Variants in RGS7 observed in about 807,000 individuals in gnomAD.
RGS7 encodes the protein regulator of G-protein signaling 7.
A neutral mutation model predicts 81.1 loss-of-function variants in RGS7; 27 were observed. The observed-to-expected ratio is 0.33, with a 90% CI of 0.25 to 0.46. The LOEUF (loss-of-function observed/expected upper bound fraction) is 0.46. RGS7 is among the 20% of genes least tolerant of loss of function. The pLI is 1.00. For missense variants in RGS7, 396 were observed against 607.4 expected (o/e 0.65, Z 3.66); for synonymous variants, 208 against 207.7 (o/e 1.00, Z -0.01).
At chr1:241,229,501 T>C (rs948342862) in intron 2 of RGS7, among the ~76,000 whole-genome samples, 1 of 152,236 alleles carries the variant, frequency 6.6e-6, no homozygotes, top group African/African-American at 2.4e-5. Flanking sequence ...TCCGGTGCCA[T>C]CTGTCTGTGG....
rs536196152 is a variant in RGS7 at position 241,239,626 on chromosome 1, T to A, written c.78+116073A>T. ...TTGTGTGCCTTCATCTTTTTTACTC[T>A]CCACTCCTTACCAGGGATGAACTGC... On this transcript the variant is annotated intron_variant, in intron 2 of 18. Transcript: ENST00000440928. Among the ~76,000 whole-genome samples the A allele has an allele frequency of 5.3e-5, 8 of 152,236 alleles. No homozygotes were observed. The South Asian group carries it at 1.7e-3, about 32-fold the overall frequency.
chr1:241,011,081 G>C (rs1402531265), intron 3 of RGS7, among the ~76,000 whole-genome samples: 1 of 152,170 alleles, frequency 6.6e-6, no homozygotes. Flanking sequence ...GTCTCAAGCA[G>C]AGAAAAGTCT....
chr1:241,011,369 T>G (rs2058948233), intron 3 of RGS7, among the ~76,000 whole-genome samples: 1 of 152,126 alleles, frequency 6.6e-6, no homozygotes, highest in South Asian at 2.1e-4. Flanking sequence ...AGCAGCCTCA[T>G]GAAAGAGGCC....
At chr1:240,842,199 A>AT (rs568381066) in intron 9 of RGS7, among the ~76,000 whole-genome samples, 22,701 of 78,854 alleles carry the variant, frequency 0.29, 6,760 homozygotes, top group African/African-American at 0.52. Context: ...TTTGTCAGGA[A>AT]TTTTTTTTTT....
At chr1:241,257,808 A>G (rs185112024) in intron 2 of RGS7, among the ~76,000 whole-genome samples, 25 of 152,324 alleles carry the variant, frequency 1.6e-4, no homozygotes, top group Admixed American at 1.6e-3. Context: ...GCTTCACTGT[A>G]TTTCATGCAG....
At chr1:240,985,668 A>T (rs1239010724) in intron 3 of RGS7, among the ~76,000 whole-genome samples, 1 of 152,032 alleles carries the variant, frequency 6.6e-6, no homozygotes, top group South Asian at 2.1e-4. Context: ...CAGCATATTT[A>T]TGGTTTTAGG....
intron 2 of RGS7, among the ~76,000 whole-genome samples, chr1:241,334,161 C>T (rs2082117592): frequency 6.6e-6 from 1 of 152,062 alleles, no homozygotes; most frequent in African/African-American, 2.4e-5. Flanking sequence ...CTAGGATAAA[C>T]AGATAATGGA....
At chr1:240,936,252 G>A (rs1676616976) in intron 5 of RGS7, among the ~76,000 whole-genome samples, 1 of 152,168 alleles carries the variant, frequency 6.6e-6, no homozygotes, top group African/African-American at 2.4e-5. Context: ...ATTTACTTGG[G>A]CTGAAGATGG....
At chr1:241,257,282 C>T (rs536457352) in intron 2 of RGS7, among the ~76,000 whole-genome samples, 1 of 152,104 alleles carries the variant, frequency 6.6e-6, no homozygotes, top group East Asian at 1.9e-4. Context: ...ACAGAGTCCC[C>T]CAAACCCTTT....
chr1:240,828,612 C>T (rs1693273175), intron 9 of RGS7, among the ~76,000 whole-genome samples: 1 of 152,156 alleles, frequency 6.6e-6, no homozygotes, highest in African/African-American at 2.4e-5. Flanking sequence ...CATGGTGAAA[C>T]CCCATCTCTA....
At chr1:241,153,372 A>C (rs759190981) in intron 2 of RGS7, among the ~76,000 whole-genome samples, 3 of 152,238 alleles carry the variant, frequency 2.0e-5, no homozygotes, top group Non-Finnish European at 4.4e-5. Flanking sequence ...AGCATTTAAC[A>C]TGAGAATCAT....
intron 9 of RGS7, among the ~76,000 whole-genome samples, chr1:240,836,063 A>C (rs1694680443): frequency 6.6e-6 from 1 of 151,704 alleles, no homozygotes; most frequent in African/African-American, 2.4e-5. Context: ...AGTGAACTCT[A>C]ATGTAAACTA....
intron 2 of RGS7, among the ~76,000 whole-genome samples, chr1:241,149,682 A>T (rs1045722303): frequency 1.3e-5 from 2 of 152,178 alleles, no homozygotes; most frequent in African/African-American, 4.8e-5. Flanking sequence ...TCAAGCAATA[A>T]ATGTTTTTGG....
At chr1:241,337,407 T>C (rs1015727608) in intron 2 of RGS7, among the ~76,000 whole-genome samples, 1 of 151,948 alleles carries the variant, frequency 6.6e-6, no homozygotes, top group Admixed American at 6.6e-5. Context: ...CCCCACACAA[T>C]TGGGAAATCA....
intron 6 of RGS7, among the ~76,000 whole-genome samples, chr1:240,914,387 T>C (rs1672257151): frequency 2.0e-5 from 3 of 152,148 alleles, no homozygotes; most frequent in Non-Finnish European, 4.4e-5. Flanking sequence ...CCTTTTCTGT[T>C]TCACAGCAGC....
intron 3 of RGS7, among the ~76,000 whole-genome samples, chr1:241,004,292 A>T (rs1271377004): frequency 1.3e-5 from 2 of 152,096 alleles, no homozygotes; most frequent in Non-Finnish European, 2.9e-5. Flanking sequence ...ATTTTCCACC[A>T]ATTTGTTCTC....
At chr1:241,029,000 G>A (rs562516889) in intron 3 of RGS7, among the ~76,000 whole-genome samples, 8 of 152,282 alleles carry the variant, frequency 5.3e-5, no homozygotes, top group African/African-American at 1.9e-4. Flanking sequence ...GGATGTTCCA[G>A]CCAAGAGATT....
intron 2 of RGS7, among the ~76,000 whole-genome samples, chr1:241,221,214 G>A: frequency 6.6e-6 from 1 of 152,092 alleles, no homozygotes; most frequent in Non-Finnish European, 1.5e-5. Context: ...AAGAAAAAGA[G>A]ACATGAATCT....
chr1:241,098,711 G>C lies in RGS7; in HGVS notation c.130C>G (p.Arg44Gly), dbSNP rs755007339. Residue 44 changes from arginine (R) to glycine (G), a missense_variant, in exon 3 of 19, where the codon CGT becomes GGT. Arg to Gly is a moderately radical substitution (Grantham distance 125, BLOSUM62 -2). Transcript: ENST00000440928. ...MQDEKNGIPI[R>G]TVKSFLSKIP... Reference sequence around the variant, plus strand: ...TTGGAAAGAAAGCTTTTGACCGTACGAATAGGAATTCCATTTTTTTCATCT... The same window carrying C: ...TTGGAAAGAAAGCTTTTGACCGTACCAATAGGAATTCCATTTTTTTCATCT... 1 of 1,613,556 alleles carries C rather than the reference G, an allele frequency of 6.2e-7. No homozygotes were observed.
Sources: gnomAD v4.1 joint callset for allele counts (sites outside exome capture counted in the v4.1 genomes callset) on GRCh38, gnomAD v4.1.1 for gene constraint, MANE v1.5 for transcripts, NCBI Gene and HGNC (gene_info 2026-07-23, HGNC 2026-07-21) for gene names.